SDK2: variants seen among roughly 807,000 people sequenced by gnomAD.
SDK2 encodes protein sidekick-2.
SDK2 carries 105 observed loss-of-function variants against 253.9 expected under a neutral mutation model. The observed-to-expected ratio is 0.41, with a 90% CI of 0.35 to 0.49. SDK2 has a LOEUF of 0.49. SDK2 is among the 20% of genes least tolerant of loss of function. The pLI, the probability that SDK2 is intolerant of heterozygous loss-of-function variation, is 0.06. For missense variants in SDK2, 2,608 were observed against 3,003.0 expected, an observed-to-expected ratio of 0.87 and a Z score of 3.07; for synonymous variants, 1,249 against 1,234.9, an observed-to-expected ratio of 1.01 and a Z score of -0.24.
At chr17:73,363,074 T>A (rs77562969) in intron 38 of SDK2, among the ~76,000 whole-genome samples, 1 of 152,188 alleles carries the variant, frequency 6.6e-6, no homozygotes, top group Non-Finnish European at 1.5e-5. Flanking sequence ...ATTTATTGAC[T>A]AAGTGGATTA....
At chr17:73,606,135 C>T (rs973157294) in intron 1 of SDK2, among the ~76,000 whole-genome samples, 1 of 152,180 alleles carries the variant, frequency 6.6e-6, no homozygotes, top group Non-Finnish European at 1.5e-5. Context: ...TGGAGGGGCA[C>T]ACCATGCTTG....
intron 1 of SDK2, among the ~76,000 whole-genome samples, chr17:73,526,465 T>C (rs2064126795): frequency 6.6e-6 from 1 of 152,132 alleles, no homozygotes; most frequent in Admixed American, 6.5e-5. Flanking sequence ...GAGGAGAAAA[T>C]GCAGACGTAT....
At chr17:73,548,651 T>C (rs2045005643) in intron 1 of SDK2, among the ~76,000 whole-genome samples, 1 of 152,234 alleles carries the variant, frequency 6.6e-6, no homozygotes, top group Non-Finnish European at 1.5e-5. Context: ...CAGTGTGCCC[T>C]GCTCCCAGGA....
At chr17:73,491,422 G>C (rs1289789205) in intron 2 of SDK2, among the ~76,000 whole-genome samples, 2 of 149,426 alleles carry the variant, frequency 1.3e-5, no homozygotes, top group Admixed American at 6.8e-5. Context: ...ACCCAGGCTG[G>C]AGTACAGTGG....
intron 2 of SDK2, among the ~76,000 whole-genome samples, chr17:73,480,912 T>C (rs1450123579): frequency 6.6e-6 from 1 of 152,178 alleles, no homozygotes; most frequent in Non-Finnish European, 1.5e-5. Context: ...ATGTCTGTTT[T>C]TCTATTTTAA....
chr17:73,483,688 TATATATATATATATATA>T (rs1567799399), intron 2 of SDK2, among the ~76,000 whole-genome samples: 4 of 79,622 alleles, frequency 5.0e-5, no homozygotes, highest in African/African-American at 1.5e-4. Flanking sequence ...TATATTTATA[TATATATATATATATATA>T]TATTTTTTTT....
chr17:73,433,874 T>C (rs2063347311), intron 9 of SDK2, 26 bp from the exon 10 acceptor site: 1 of 1,450,714 alleles, frequency 6.9e-7, no homozygotes, highest in Non-Finnish European at 9.2e-7. Context: ...TGGGGCCTTT[T>C]AGCCACACCC....
Position 73,339,214 on chromosome 17 carries a change from T to G in SDK2, c.6166-274A>C, listed in dbSNP as rs1164833703. ...ACCTGATAGAATCAGAAGACCTGAG[T>G]TTTTTTTTGTTTTTGTTTTTGTTTT... is the stretch of plus-strand genomic sequence containing the variant. On this transcript the variant is annotated intron_variant, in intron 44 of 44. Transcript: ENST00000392650. 1.9e-4 allele frequency among the ~76,000 whole-genome samples: 8 copies of G among 41,054 alleles called. No individual in the cohort carries two copies. The East Asian group carries it at 2.0e-3, about 10-fold the overall frequency. The allele number at this position is 41,054 out of a possible 152,430, so 26.9% of individuals were successfully genotyped here. A position where few individuals can be genotyped will look rare whatever the true frequency, so the allele number is the denominator to read the frequency against.
chr17:73,572,378 C>T (rs1043573220), intron 1 of SDK2, among the ~76,000 whole-genome samples: 13 of 152,146 alleles, frequency 8.5e-5, no homozygotes, highest in South Asian at 6.2e-4. Flanking sequence ...GCCTGCACCA[C>T]GCACTGTTTT....
In SDK2 at chr17:73,338,687, G is replaced by A; in HGVS notation, c.6419C>T (p.Pro2140Leu). The change falls in exon 45 of 45, where the codon CCC becomes CTC. Residue 2140 changes from proline to leucine, a missense_variant. Pro to Leu is a moderately conservative substitution (Grantham distance 98). Coordinates refer to ENST00000392650, the MANE Select transcript of SDK2 (RefSeq NM_001144952.2). The surrounding 1 kb of genome is among the most constrained non-coding windows in gnomAD (Gnocchi z 5.0). ...KASRTPTPQN[P>L]PNPPSQQSTL... The stretch of plus-strand genomic sequence containing the variant: ...GCTCTGCTGACTTGGGGGGTTAGGG[G>A]GGTTCTGGGGCGTTGGAGTCCGACT... 6.2e-7 allele frequency: 1 copy of A among 1,600,924 alleles called. No individual in the cohort carries two copies. The highest frequency in any genetic ancestry group is 8.5e-7 in the Non-Finnish European group (1 of 1,173,226).
Position 73,352,323 on chromosome 17 carries a change from G to A in SDK2, c.5758+150C>T. 1 of 971,448 alleles carries A rather than the reference G, an allele frequency of 1.0e-6. No individual in the cohort carries two copies. The allele number at this position is 971,448 out of a possible 1,614,324, so 60.2% of individuals were successfully genotyped here. ...GACCCAGGCCTGGGCACCAGCACTTGCCTCTTCACAGCCCCGAGGGGACAA... is the reference window on the plus strand; with the variant it reads ...GACCCAGGCCTGGGCACCAGCACTTACCTCTTCACAGCCCCGAGGGGACAA... On this transcript the variant is annotated intron_variant, in intron 41 of 44. Coordinates refer to ENST00000392650, the MANE Select transcript of SDK2 (RefSeq NM_001144952.2). The surrounding 1 kb of genome is among the most constrained non-coding windows in gnomAD (Gnocchi z 4.1).
intron 5 of SDK2, among the ~76,000 whole-genome samples, chr17:73,441,665 T>A (rs2063417136): frequency 6.6e-6 from 1 of 152,148 alleles, no homozygotes; most frequent in Admixed American, 6.5e-5. Flanking sequence ...TTCAGAGAAG[T>A]ATAGCCCTGC....
At chr17:73,631,170 C>A (rs1445031480) in intron 1 of SDK2, among the ~76,000 whole-genome samples, 1 of 152,174 alleles carries the variant, frequency 6.6e-6, no homozygotes, top group African/African-American at 2.4e-5. Context: ...ATTTTTCACC[C>A]AGTGATGCGC....
At chr17:73,575,400 C>T (rs2045444560) in intron 1 of SDK2, among the ~76,000 whole-genome samples, 1 of 152,186 alleles carries the variant, frequency 6.6e-6, no homozygotes, top group South Asian at 2.1e-4. Context: ...GTTCATTCAC[C>T]AGGTATTTCC....
chr17:73,521,989 C>A (rs965839987), intron 1 of SDK2, among the ~76,000 whole-genome samples: 3 of 152,224 alleles, frequency 2.0e-5, no homozygotes, highest in African/African-American at 7.2e-5. Flanking sequence ...CACAGCAATG[C>A]TGTGGAGTCG....
chr17:73,349,330 G>A (rs1038455416), intron 43 of SDK2, among the ~76,000 whole-genome samples: 13 of 152,316 alleles, frequency 8.5e-5, no homozygotes, highest in African/African-American at 3.1e-4. Context: ...ACATAGCTTC[G>A]TCCCTCTAAG....
At chr17:73,486,387 C>T (rs552421254) in intron 2 of SDK2, among the ~76,000 whole-genome samples, 12 of 152,094 alleles carry the variant, frequency 7.9e-5, no homozygotes, top group South Asian at 2.1e-4. Context: ...GGCAGGGGGA[C>T]GGCTTGAGGC....
chr17:73,625,538 C>T (rs2046190585), intron 1 of SDK2, among the ~76,000 whole-genome samples: 1 of 152,210 alleles, frequency 6.6e-6, no homozygotes, highest in Non-Finnish European at 1.5e-5. Context: ...GGGCAGTCAC[C>T]CTGGGCCCCA....
chr17:73,385,912 C>T lies in SDK2; in HGVS notation c.4504G>A (p.Asp1502Asn), dbSNP rs762845048. ...ACGGAGAGGATGGTGGGTGCTTCAT[C>T]GGGGGCTGTGGAGAGAAGCAGACAG... The part of the protein sequence containing the change: ...ESLTTLQAAP[D>N]EAPTILSVTP... Residue 1502 changes from aspartate (D) to asparagine (N), a missense_variant, in exon 32 of 45, where the codon GAT (aspartate) becomes AAT (asparagine). Asp to Asn is a conservative substitution (Grantham distance 23). Coordinates refer to ENST00000392650, the MANE Select transcript of SDK2 (RefSeq NM_001144952.2). 102 of 1,603,070 alleles carry T rather than the reference C, an allele frequency of 6.4e-5. No individual in the cohort carries two copies. The South Asian group carries it at 9.8e-4, about 15-fold the overall frequency.
Sources: allele counts gnomAD v4.1 joint callset (sites outside exome capture counted in the v4.1 genomes callset), GRCh38; gene constraint gnomAD v4.1.1; non-coding constraint Gnocchi (gnomAD v3.1); transcripts MANE v1.5; gene names NCBI Gene and HGNC (gene_info 2026-07-23, HGNC 2026-07-21).